The following PFKFB1 variants were observed in gnomAD, a reference collection of about 807,000 sequenced individuals.
The protein encoded by PFKFB1 is 6-phosphofructo-2-kinase/fructose-2,6-biphosphatase 1, also known as 6-phosphofructo-2-kinase/fructose-2,6-bisphosphatase 1.
In PFKFB1, 34 loss-of-function variants were observed where a neutral mutation model predicts 46.4. That is an observed-to-expected ratio of 0.73 (90% CI 0.56 to 0.98). The LOEUF is 0.98. PFKFB1 is among the 50% of genes least tolerant of loss of function. PFKFB1 has a pLI of 0.00. For synonymous variants in PFKFB1, 119 were observed against 133.8 expected (o/e 0.89, Z 0.76); for missense variants, 393 against 376.3 (o/e 1.04, Z -0.37).
intron 10 of PFKFB1, among the ~76,000 whole-genome samples, chrX:54,938,430 A>T (rs1360304835): frequency 1.8e-5 from 2 of 111,996 alleles, no homozygotes; most frequent in Admixed American, 9.5e-5. Context: ...AAATGCTCCA[A>T]TTAAAAGATA....
rs1287698653 is a variant in PFKFB1 at position 54,951,969 on chromosome X, T to C, written c.782A>G (p.Glu261Gly). The C allele has an allele frequency of 8.3e-7, 1 of 1,209,178 alleles. No individual in the cohort carries two copies. The highest frequency in any genetic ancestry group is 3.0e-5 in the East Asian group (1 of 33,757). Residue 261 changes from glutamate to glycine, a missense_variant, in exon 8 of 14, where the codon GAG becomes GGG. Coordinates refer to ENST00000375006, the MANE Select transcript of PFKFB1 (RefSeq NM_002625.4). ...GCGGCCTCTGATGTTGAGTTCACTC[T>C]CGCCATGTCGGCAAAGGTAGATGGA... ...PRSIYLCRHG[E>G]SELNIRGRIG...
intron 7 of PFKFB1, among the ~76,000 whole-genome samples, chrX:54,955,209 G>A (rs1032311047): frequency 1.8e-5 from 2 of 111,403 alleles, no homozygotes; most frequent in African/African-American, 6.5e-5. Flanking sequence ...TGTAGCCCAA[G>A]GTAAGACTTT....
Position 54,988,798 on chromosome X carries a change from G to A in PFKFB1, c.97+5113C>T, listed in dbSNP as rs1043738480. ...ACTGGATAGCCACATGCAAAAGAAC[G>A]AAGCTGGATTCCCATCTCACACCAC... On this transcript the variant is annotated intron_variant, in intron 1 of 13. Transcript: ENST00000375006. Among the ~76,000 whole-genome samples the A allele has an allele frequency of 9.8e-5, 11 of 111,894 alleles. No homozygotes were observed. In the East Asian group the frequency reaches 2.2e-3, roughly 23 times the overall value.
chrX:54,951,793 C>G, intron 8 of PFKFB1, 112 bp downstream of exon 8: 1 of 591,522 alleles, frequency 1.7e-6, no homozygotes, highest in Non-Finnish European at 2.7e-6. Flanking sequence ...ATCTGCTTCT[C>G]CCCCATCCCT....
rs983306340 is a variant in PFKFB1 at position 54,949,339 on chromosome X, G to T, written c.847-118C>A. The T allele has an allele frequency of 7.7e-6, 4 of 516,547 alleles. No individual in the cohort carries two copies. In the African/African-American group the frequency reaches 9.6e-5, roughly 12 times the overall value. 42.6% of individuals were successfully genotyped at this position (516,547 alleles called of 1,213,427 possible). A position where few individuals can be genotyped will look rare whatever the true frequency, so the allele number is the denominator to read the frequency against. The stretch of plus-strand genomic sequence containing the variant: ...AATTGAGTGGTGATGAACAAGCAGA[G>T]CAAAGAGTTTAAATGTTCCAAACTT... On this transcript the variant is annotated intron_variant, in intron 8 of 13. Coordinates refer to ENST00000375006, the MANE Select transcript of PFKFB1 (RefSeq NM_002625.4).
In PFKFB1 at chrX:54,963,396, A is replaced by G. The variant is rs1303210892; in HGVS notation, c.98-14T>C. ...GGGGTATGGATGCTGAAAAATAAAC[A>G]GACCCTCAAAAGCTTATCCTCAGAT... On this transcript the variant is annotated splice_polypyrimidine_tract_variant and intron_variant, in intron 1 of 13. Transcript: ENST00000375006. The G allele has an allele frequency of 1.7e-6, 2 of 1,207,642 alleles. No homozygotes were observed. The highest frequency in any genetic ancestry group is 1.8e-5 in the South Asian group (1 of 56,626).
rs1005177852 is a variant in PFKFB1 at position 54,970,088 on chromosome X, T to G, written c.98-6706A>C. ...CACACTTGGCTAATTTTTGTATTTT[T>G]AGTAGAGATGGGGTTTCACCATGTT... On this transcript the variant is annotated intron_variant, in intron 1 of 13. Coordinates refer to ENST00000375006, the MANE Select transcript of PFKFB1 (RefSeq NM_002625.4). Among the ~76,000 whole-genome samples the G allele has an allele frequency of 3.2e-4, 35 of 110,595 alleles. 1 individual carries two copies. The highest frequency in any genetic ancestry group is 9.6e-5 in the Admixed American group (1 of 10,378).
upstream of PFKFB1, among the ~76,000 whole-genome samples, chrX:54,995,358 C>T (rs941445167): frequency 7.1e-5 from 8 of 112,106 alleles, no homozygotes; most frequent in African/African-American, 2.6e-4. Flanking sequence ...CTCAAATGCT[C>T]TCAGTTCCAC....
At chrX:54,973,531 T>G (rs1440465348) in intron 1 of PFKFB1, among the ~76,000 whole-genome samples, 9 of 111,496 alleles carry the variant, frequency 8.1e-5, no homozygotes, top group South Asian at 3.8e-4. Context: ...AGAGATTCTG[T>G]TATGTTGTGT....
At chrX:54,972,802 T>C (rs892301198) in intron 1 of PFKFB1, among the ~76,000 whole-genome samples, 4 of 111,523 alleles carry the variant, frequency 3.6e-5, no homozygotes, top group Non-Finnish European at 5.7e-5. Flanking sequence ...AAATTCTCTT[T>C]TTTGGTTGTG....
intron 6 of PFKFB1, 130 bp downstream of exon 6, chrX:54,958,176 C>T (rs1207473374): frequency 2.5e-6 from 1 of 406,796 alleles, no homozygotes; most frequent in Non-Finnish European, 4.4e-6. Flanking sequence ...CCTATGAAAA[C>T]TCAGAGAAGA....
chrX:54,948,543 C>G (rs764207019), intron 9 of PFKFB1, among the ~76,000 whole-genome samples: 1 of 112,361 alleles, frequency 8.9e-6, no homozygotes, highest in East Asian at 2.8e-4. Flanking sequence ...GCCTCATCTC[C>G]CTTTTCTTCA....
At chrX:54,994,253 G>A (rs1462025745), upstream of PFKFB1, 1 of 754,026 alleles carries the variant, frequency 1.3e-6, no homozygotes, top group Non-Finnish European at 1.6e-6. Flanking sequence ...GCGAGAGGTT[G>A]GGCAGAGGTC....
chrX:54,971,579 A>G (rs1329664745), intron 1 of PFKFB1, among the ~76,000 whole-genome samples: 4 of 111,965 alleles, frequency 3.6e-5, no homozygotes, highest in African/African-American at 6.5e-5. Flanking sequence ...TCCCAGCATC[A>G]TTTATTAAAT....
intron 1 of PFKFB1, among the ~76,000 whole-genome samples, chrX:54,965,743 TA>T (rs1030548801): frequency 2.7e-5 from 3 of 110,778 alleles, no homozygotes; most frequent in African/African-American, 9.8e-5. Flanking sequence ...ATTGCATTTG[TA>T]AAAAAAATAA....
At chrX:54,996,890 C>A (rs1935365058), upstream of PFKFB1, among the ~76,000 whole-genome samples, 1 of 111,540 alleles carries the variant, frequency 9.0e-6, no homozygotes, top group South Asian at 3.8e-4. Context: ...TGGGAAGTGA[C>A]CCCTGTATCC....
intron 1 of PFKFB1, among the ~76,000 whole-genome samples, chrX:54,993,331 G>A (rs937234838): frequency 1.8e-5 from 2 of 112,298 alleles, no homozygotes; most frequent in Non-Finnish European, 3.8e-5. Context: ...GTCCATATGT[G>A]CCAGGAAGGC....
intron 1 of PFKFB1, among the ~76,000 whole-genome samples, chrX:54,990,736 G>A (rs1935219562): frequency 8.9e-6 from 1 of 111,844 alleles, no homozygotes; most frequent in Non-Finnish European, 1.9e-5. Context: ...CAAAAAATTA[G>A]TGAAAGAAAT....
intron 1 of PFKFB1, among the ~76,000 whole-genome samples, chrX:54,964,095 T>C (rs1292542781): frequency 9.3e-6 from 1 of 107,498 alleles, no homozygotes; most frequent in Non-Finnish European, 1.9e-5. Context: ...CAACAGAAAC[T>C]GAGGGCACTG....
Sources: gnomAD v4.1 joint callset for allele counts (sites outside exome capture counted in the v4.1 genomes callset) on GRCh38, gnomAD v4.1.1 for gene constraint, MANE v1.5 for transcripts, NCBI Gene and HGNC (gene_info 2026-07-23, HGNC 2026-07-21) for gene names.